Variants in NXPE2 observed in about 807,000 individuals in gnomAD.
NXPE2 encodes neurexophilin and PC-esterase domain family member 2.
NXPE2 carries 34 observed loss-of-function variants against 34.4 expected under a neutral mutation model. The ratio of observed to expected loss-of-function variants is 0.99; its 90% CI spans 0.75 to 1.31. NXPE2 has a LOEUF of 1.31. Ranked by LOEUF, NXPE2 falls within the 40% of genes most tolerant of loss-of-function variation. The pLI, the probability that NXPE2 is intolerant of heterozygous loss-of-function variation, is 0.00. For synonymous variants in NXPE2, 235 were observed against 231.3 expected, an observed-to-expected ratio of 1.02 and a Z score of -0.15; for missense variants, 649 against 672.5, an observed-to-expected ratio of 0.97 and a Z score of 0.39.
chr11:114,525,321 C>T, the NXPE2 span, among the ~76,000 whole-genome samples: 3 of 151,586 alleles, frequency 2.0e-5, no homozygotes, highest in African/African-American at 7.3e-5. Flanking sequence ...TAATAGTCCC[C>T]CAAAGATATC....
At chr11:114,623,094 C>T in the NXPE2 span, among the ~76,000 whole-genome samples, 10 of 151,398 alleles carry the variant, frequency 6.6e-5, no homozygotes, top group South Asian at 8.3e-4. Flanking sequence ...GGATAATTAG[C>T]GTTGCCTGGC....
the NXPE2 span, chr11:114,582,463 A>T: frequency 6.2e-7 from 1 of 1,614,200 alleles, no homozygotes; most frequent in East Asian, 2.2e-5. Context: ...ATCAGGCCAC[A>T]TTCAGAGTGG....
the NXPE2 span, among the ~76,000 whole-genome samples, chr11:114,592,008 G>A: frequency 6.6e-6 from 1 of 152,038 alleles, no homozygotes; most frequent in Admixed American, 6.5e-5. Flanking sequence ...AACAAATTAG[G>A]CATGGAAGAA....
At chr11:114,763,955 G>T in the NXPE2 span, among the ~76,000 whole-genome samples, 5 of 151,914 alleles carry the variant, frequency 3.3e-5, no homozygotes, top group African/African-American at 1.2e-4. Context: ...TTGATGCTAT[G>T]CACCATTCAT....
intron 3 of NXPE2, among the ~76,000 whole-genome samples, chr11:114,700,136 G>T (rs1951338186): frequency 2.0e-5 from 3 of 152,110 alleles, no homozygotes; most frequent in African/African-American, 7.2e-5. Flanking sequence ...CTGTATTCCA[G>T]ACACAGCACT....
At chr11:114,678,521 T>C (rs769500808), upstream of NXPE2, 1 of 1,389,804 alleles carries the variant, frequency 7.2e-7, no homozygotes, top group Non-Finnish European at 9.9e-7. Context: ...ATGCAAAGAC[T>C]GCTTTAATCA....
chr11:114,688,089 C>T (rs145963047), intron 2 of NXPE2, among the ~76,000 whole-genome samples: 75 of 152,002 alleles, frequency 4.9e-4, no homozygotes, highest in African/African-American at 1.7e-3. Context: ...TTATTTTTTC[C>T]TCCTGCCTGA....
chr11:114,602,406 A>G, the NXPE2 span, among the ~76,000 whole-genome samples: 1 of 129,262 alleles, frequency 7.7e-6, no homozygotes, highest in African/African-American at 2.8e-5. Context: ...TATATTATAC[A>G]CTATTGAACA....
At chr11:114,522,128 C>A in the NXPE2 span, 3 of 1,613,880 alleles carry the variant, frequency 1.9e-6, no homozygotes, top group African/African-American at 1.3e-5. Flanking sequence ...GTGAATATAA[C>A]CATGGAAGTC....
chr11:114,616,762 A>G, the NXPE2 span, among the ~76,000 whole-genome samples: 6 of 151,796 alleles, frequency 4.0e-5, 2 homozygotes, highest in African/African-American at 1.5e-4. Flanking sequence ...CCGGTGGATA[A>G]TAAGTGTTGC....
the NXPE2 span, among the ~76,000 whole-genome samples, chr11:114,602,275 A>G: frequency 1.7e-5 from 2 of 118,604 alleles, no homozygotes; most frequent in Non-Finnish European, 3.2e-5. Context: ...TATATATTAT[A>G]CTATATATAT....
chr11:114,481,968 G>A, the NXPE2 span, among the ~76,000 whole-genome samples: 2,975 of 152,130 alleles, frequency 0.02, 97 homozygotes, highest in African/African-American at 0.067. Context: ...CGGCATTGAA[G>A]GAACATAGCA....
At chr11:114,631,206 A>G in the NXPE2 span, among the ~76,000 whole-genome samples, 1 of 152,038 alleles carries the variant, frequency 6.6e-6, no homozygotes, top group Non-Finnish European at 1.5e-5. Context: ...TCATGCTGCT[A>G]TAAAGACACA....
At chr11:114,632,078 T>C in the NXPE2 span, among the ~76,000 whole-genome samples, 1 of 131,852 alleles carries the variant, frequency 7.6e-6, no homozygotes, top group Non-Finnish European at 1.5e-5. Context: ...TATAGTATAA[T>C]ATTATTATAT....
chr11:114,467,700 G>A, the NXPE2 span, among the ~76,000 whole-genome samples: 7 of 151,912 alleles, frequency 4.6e-5, no homozygotes, highest in East Asian at 3.9e-4. Flanking sequence ...TTTGGGAGGC[G>A]GAGGTAGGCA....
At chr11:114,713,203 G>A in the NXPE2 span, among the ~76,000 whole-genome samples, 1 of 152,158 alleles carries the variant, frequency 6.6e-6, no homozygotes, top group Admixed American at 6.6e-5. Flanking sequence ...TTGCAACCAT[G>A]TGAATATACT....
the NXPE2 span, among the ~76,000 whole-genome samples, chr11:114,656,441 T>A: frequency 6.6e-6 from 1 of 152,138 alleles, no homozygotes; most frequent in Non-Finnish European, 1.5e-5. Context: ...TTGAATTTCG[T>A]ATGGAATCAA....
At chr11:114,522,552 T>C in the NXPE2 span, 1 of 1,433,466 alleles carries the variant, frequency 7.0e-7, no homozygotes, top group Non-Finnish European at 9.4e-7. Context: ...ATGGTTAATA[T>C]TCATGAAAAA....
the NXPE2 span, among the ~76,000 whole-genome samples, chr11:114,632,941 A>G: frequency 1.1e-4 from 11 of 98,360 alleles, no homozygotes; most frequent in Non-Finnish European, 1.6e-4. Context: ...AATAATATAT[A>G]TTATATGATA....
Sources: gnomAD v4.1 joint callset for allele counts (sites outside exome capture counted in the v4.1 genomes callset) on GRCh38, gnomAD v4.1.1 for gene constraint, MANE v1.5 for transcripts, NCBI Gene and HGNC (gene_info 2026-07-23, HGNC 2026-07-21) for gene names.